The following SPOCK1 variants were observed in gnomAD, a reference collection of about 807,000 sequenced individuals.
The protein encoded by SPOCK1 is testican-1.
In SPOCK1, 23 loss-of-function variants were observed where a neutral mutation model predicts 55.3. The observed-to-expected ratio is 0.42, with a 90% CI of 0.30 to 0.59. The LOEUF is 0.59. Ranked by LOEUF, SPOCK1 falls within the 20% of genes least tolerant of loss-of-function variation. The pLI is 0.22. For missense variants in SPOCK1, 499 were observed against 552.5 expected, an observed-to-expected ratio of 0.90 and a Z score of 0.97; for synonymous variants, 226 against 221.0, an observed-to-expected ratio of 1.02 and a Z score of -0.20.
chr5:137,037,553 A>T (rs1302764884), intron 6 of SPOCK1, among the ~76,000 whole-genome samples: 2 of 152,182 alleles, frequency 1.3e-5, no homozygotes, highest in Non-Finnish European at 2.9e-5. Flanking sequence ...AATGCCTAAC[A>T]TCTAAGTGGT....
intron 2 of SPOCK1, among the ~76,000 whole-genome samples, chr5:137,418,120 C>G (rs1752387631): frequency 6.6e-6 from 1 of 152,168 alleles, no homozygotes; most frequent in African/African-American, 2.4e-5. Flanking sequence ...CATGTCCCTA[C>G]AAAGGACATG....
chr5:136,995,029 TAATA>T (rs1219793865), intron 6 of SPOCK1, among the ~76,000 whole-genome samples: 2 of 152,058 alleles, frequency 1.3e-5, no homozygotes, highest in Non-Finnish European at 2.9e-5. Flanking sequence ...TTAAAAAATC[TAATA>T]GATAGTTCCT....
intron 6 of SPOCK1, among the ~76,000 whole-genome samples, chr5:137,019,976 C>T (rs940719805): frequency 3.3e-5 from 5 of 151,780 alleles, no homozygotes; most frequent in Admixed American, 3.3e-4. Context: ...CACAGAGATA[C>T]TGATTAAGTT....
chr5:137,270,088 T>G (rs1383488799), intron 2 of SPOCK1, among the ~76,000 whole-genome samples: 1 of 152,218 alleles, frequency 6.6e-6, no homozygotes, highest in African/African-American at 2.4e-5. Context: ...GGCCCCACAC[T>G]TAAGCCCTGA....
chr5:137,390,051 G>C (rs1751684491), intron 2 of SPOCK1, among the ~76,000 whole-genome samples: 1 of 151,984 alleles, frequency 6.6e-6, no homozygotes, highest in African/African-American at 2.4e-5. Flanking sequence ...ATTCTTTCTT[G>C]CTCTGACATA....
At chr5:137,284,803 T>G (rs536085772) in intron 2 of SPOCK1, among the ~76,000 whole-genome samples, 1 of 152,180 alleles carries the variant, frequency 6.6e-6, no homozygotes, top group South Asian at 2.1e-4. Flanking sequence ...AGGGGTGGGT[T>G]CAAAGAGGTG....
At chr5:137,203,215 A>G (rs1460319312) in intron 3 of SPOCK1, among the ~76,000 whole-genome samples, 1 of 152,054 alleles carries the variant, frequency 6.6e-6, no homozygotes, top group Non-Finnish European at 1.5e-5. Context: ...CATGAGTAAT[A>G]GATTTCAAAT....
chr5:137,280,234 T>C (rs1202976756), intron 2 of SPOCK1, among the ~76,000 whole-genome samples: 2 of 152,116 alleles, frequency 1.3e-5, no homozygotes, highest in African/African-American at 2.4e-5. Flanking sequence ...AAAATACACA[T>C]CAATAAGGAC....
intron 2 of SPOCK1, among the ~76,000 whole-genome samples, chr5:137,427,908 A>G (rs369311439): frequency 8.0e-4 from 55 of 68,518 alleles, no homozygotes; most frequent in African/African-American, 1.9e-3. Flanking sequence ...GACTCCGTCT[A>G]AAAAAAAAAA....
chr5:137,426,629 G>T (rs1752617105), intron 2 of SPOCK1, among the ~76,000 whole-genome samples: 2 of 152,178 alleles, frequency 1.3e-5, no homozygotes, highest in African/African-American at 2.4e-5. Flanking sequence ...TGTGACCTGA[G>T]TTTCCTCAAA....
intron 2 of SPOCK1, among the ~76,000 whole-genome samples, chr5:137,408,530 TA>T (rs1752146183): frequency 1.3e-5 from 2 of 152,154 alleles, no homozygotes; most frequent in Non-Finnish European, 2.9e-5. Context: ...TTCTCAGGGA[TA>T]AAAAGCTTAT....
Position 136,977,901 on chromosome 5 carries a change from T to G in SPOCK1, c.*753A>C. The G allele has an allele frequency of 2.5e-6, 1 of 398,524 alleles. No individual in the cohort carries two copies. Among genetic ancestry groups the G allele is most frequent in the Non-Finnish European group, 4.4e-6 (1 of 225,932 alleles). 24.7% of individuals were successfully genotyped at this position (398,524 alleles called of 1,614,324 possible). Reference sequence around the variant, plus strand: ...TTCCAGGTCTGGACAAGCTGAGAAATTTATCATTGTTTTTCGAGTTTTTAA... The same window carrying G: ...TTCCAGGTCTGGACAAGCTGAGAAAGTTATCATTGTTTTTCGAGTTTTTAA... On this transcript the variant is annotated 3_prime_UTR_variant, in exon 11 of 11. Coordinates refer to ENST00000394945, the MANE Select transcript of SPOCK1 (RefSeq NM_004598.4).
chr5:136,978,044 T>C lies in SPOCK1; in HGVS notation c.*610A>G. The C allele has an allele frequency of 2.5e-6, 1 of 398,006 alleles. No individual in the cohort carries two copies. Among genetic ancestry groups the C allele is most frequent in the Non-Finnish European group, 4.4e-6 (1 of 225,954 alleles). The allele number at this position is 398,006 out of a possible 1,614,324, so 24.7% of individuals were successfully genotyped here. On this transcript the variant is annotated 3_prime_UTR_variant, in exon 11 of 11. Transcript: ENST00000394945. Reference sequence around the variant, plus strand: ...CAGGGAAGTATCCAGACACCAATTTTTAATAAAATGAATTCCCCAAAGGGA... The same window carrying C: ...CAGGGAAGTATCCAGACACCAATTTCTAATAAAATGAATTCCCCAAAGGGA...
chr5:137,132,630 G>A (rs6877510), intron 4 of SPOCK1, among the ~76,000 whole-genome samples: 39,220 of 151,974 alleles, frequency 0.26, 5,393 homozygotes, highest in East Asian at 0.51. Context: ...CTTCGCAGAC[G>A]CTTGACTTAT....
intron 2 of SPOCK1, among the ~76,000 whole-genome samples, chr5:137,476,929 A>C (rs939539731): frequency 3.9e-5 from 6 of 152,210 alleles, no homozygotes; most frequent in Admixed American, 2.6e-4. Flanking sequence ...TGTCTCAAAA[A>C]AAAAAGTCTT....
At chr5:137,106,740 A>T (rs1753377747) in intron 5 of SPOCK1, among the ~76,000 whole-genome samples, 1 of 152,170 alleles carries the variant, frequency 6.6e-6, no homozygotes, top group South Asian at 2.1e-4. Context: ...CAGTGTAAGC[A>T]TACTCAAAAA....
At chr5:137,153,701 GA>G (rs1428330563) in intron 3 of SPOCK1, among the ~76,000 whole-genome samples, 2 of 151,364 alleles carry the variant, frequency 1.3e-5, no homozygotes, top group Admixed American at 1.3e-4. Context: ...AAAATTTTTT[GA>G]AAAAAATTAG....
intron 6 of SPOCK1, among the ~76,000 whole-genome samples, chr5:137,065,227 CA>C (rs10697469): frequency 0.018 from 2,072 of 116,104 alleles, 12 homozygotes; most frequent in Middle Eastern, 0.041. Context: ...GATTTCATCT[CA>C]AAAAAAAAAA....
intron 3 of SPOCK1, among the ~76,000 whole-genome samples, chr5:137,147,495 G>T (rs984634595): frequency 6.6e-6 from 1 of 152,192 alleles, no homozygotes; most frequent in Non-Finnish European, 1.5e-5. Context: ...GTAAGGTGAG[G>T]TTCTAGGAGG....
Sources: gnomAD v4.1 joint callset for allele counts (sites outside exome capture counted in the v4.1 genomes callset) on GRCh38, gnomAD v4.1.1 for gene constraint, MANE v1.5 for transcripts, NCBI Gene and HGNC (gene_info 2026-07-23, HGNC 2026-07-21) for gene names.